Variants in EPHA1 observed in about 807,000 individuals in gnomAD.
EPHA1 encodes the protein ephrin type-A receptor 1.
A neutral mutation model predicts 110.1 loss-of-function variants in EPHA1; 92 were observed. That is an observed-to-expected ratio of 0.84 (90% confidence interval 0.71 to 0.99). The LOEUF (loss-of-function observed/expected upper bound fraction) is 0.99. Among genes scored for constraint, EPHA1 ranks in the 50% least tolerant of loss-of-function variants. EPHA1 has a pLI of 0.00. For missense variants in EPHA1, 1,204 were observed against 1,285.4 expected, an observed-to-expected ratio of 0.94 and a Z score of 0.97; for synonymous variants, 500 against 516.1, an observed-to-expected ratio of 0.97 and a Z score of 0.42.
At position 143,394,910 on chromosome 7, in the gene EPHA1, C is replaced by T. The variant is rs1285777928; in HGVS notation, c.2250G>A (p.Leu750=). ...LSNHNYVHRD[L]AARNILVNQN... ...GATTCACCAAGATGTTTCTGGCAGC[C>T]AGGTCCCGGTGGACATAATTGTGAT... The change falls in exon 14 of 18, where the codon CTG becomes CTA. Residue 750 remains leucine (L), a synonymous_variant. Transcript: ENST00000275815. 1.2e-6 allele frequency: 2 copies of T among 1,614,166 alleles called. No homozygotes were observed. Among genetic ancestry groups the T allele is most frequent in the Admixed American group, 1.7e-5 (1 of 60,024 alleles).
Position 143,391,886 on chromosome 7 carries a change from C to A in EPHA1, c.2697-111G>T, listed in dbSNP as rs1005466802. The A allele has an allele frequency of 5.3e-6, 8 of 1,511,036 alleles. No individual in the cohort carries two copies. The African/African-American group carries it at 8.2e-5, about 16-fold the overall frequency. The allele number at this position is 1,511,036 out of a possible 1,614,324, so 93.6% of individuals were successfully genotyped here. A position where few individuals can be genotyped will look rare whatever the true frequency, so the allele number is the denominator to read the frequency against. ...AAGTTCGGTGTCTGGGCACAGAGAT[C>A]ATCTAGACTGTGGATTGACCCCACC... On this transcript the variant is annotated intron_variant, in intron 16 of 17. Coordinates refer to ENST00000275815, the MANE Select transcript of EPHA1 (RefSeq NM_005232.5).
At chr7:143,391,799 C>T (rs1208986862) in intron 16 of EPHA1, 24 bp from the exon 17 acceptor site, 7 of 1,612,040 alleles carry the variant, frequency 4.3e-6, no homozygotes, top group Non-Finnish European at 5.9e-6. Flanking sequence ...GCATGTCAGT[C>T]ACAGCGGGTA....
At position 143,391,456 on chromosome 7, in the gene EPHA1, A is replaced by G; in HGVS notation, c.*1T>C. On this transcript the variant is annotated 3_prime_UTR_variant, in exon 18 of 18. Coordinates refer to ENST00000275815, the MANE Select transcript of EPHA1 (RefSeq NM_005232.5). ...GATTGGGCATGGGGTGAGAGGAGGG[A>G]TCAGTCCTTGAATCCCTGAATACTG... The G allele has an allele frequency of 6.2e-7, 1 of 1,614,014 alleles. No individual in the cohort carries two copies. Among genetic ancestry groups the G allele is most frequent in the Non-Finnish European group, 8.5e-7 (1 of 1,179,982 alleles).
Position 143,398,902 on chromosome 7 carries a change from C to G in EPHA1, c.1035G>C (p.Gly345=). The G allele has an allele frequency of 1.9e-6, 3 of 1,613,024 alleles. No homozygotes were observed. Among genetic ancestry groups the G allele is most frequent in the Non-Finnish European group, 2.5e-6 (3 of 1,179,598 alleles). Reference sequence around the variant, plus strand: ...GTTCCCAACGCAGGGAGAGCTGAGTCCCTGAGGCAGAGAAGCTCAGGTTTC... The same window carrying G: ...GTTCCCAACGCAGGGAGAGCTGAGTGCCTGAGGCAGAGAAGCTCAGGTTTC... ...APRNLSFSAS[G]TQLSLRWEPP... is the part of the protein sequence containing the mutation. The change falls in exon 6 of 18, where the codon GGG becomes GGC. Residue 345 remains glycine (G), a synonymous_variant. Transcript: ENST00000275815.
rs369887921 is a variant in EPHA1 at position 143,401,445 on chromosome 7, C to A, written c.311G>T (p.Arg104Leu). The change falls in exon 3 of 18, where the codon CGG (arginine) becomes CTG (leucine). Residue 104 changes from arginine to leucine, a missense_variant. Coordinates refer to ENST00000275815, the MANE Select transcript of EPHA1 (RefSeq NM_005232.5). The surrounding 1 kb of genome is among the most constrained non-coding windows in gnomAD (Gnocchi z 4.1). ...RVHVELQFTVRDCKSFPGGAG... is the reference protein window; with the variant it reads ...RVHVELQFTVLDCKSFPGGAG... ...TCCCCCAGGGAAACTCTTGCAGTCC[C>A]GCACGGTGAACTGCAGCTCCACGTG... is the stretch of plus-strand genomic sequence containing the variant. 1 of 1,614,108 alleles carries A rather than the reference C, an allele frequency of 6.2e-7. No individual in the cohort carries two copies. The highest frequency in any genetic ancestry group is 8.5e-7 in the Non-Finnish European group (1 of 1,180,036).
At chr7:143,399,032 C>T in intron 5 of EPHA1, 87 bp from the exon 6 acceptor site, 19 of 1,330,974 alleles carry the variant, frequency 1.4e-5, no homozygotes, top group South Asian at 4.3e-5. Context: ...ACCCAATTCT[C>T]GATGTCCTCT....
chr7:143,400,046 G>A lies in EPHA1; in HGVS notation c.440C>T (p.Thr147Met), dbSNP rs542068127. Residue 147 changes from threonine to methionine, a missense_variant, in exon 4 of 18, where the codon ACG (threonine) becomes ATG (methionine). Coordinates refer to ENST00000275815, the MANE Select transcript of EPHA1 (RefSeq NM_005232.5). The stretch of plus-strand genomic sequence containing the variant: ...GGTGAAGCTCTGGTCTGCAGCCACC[G>A]TGGTTACCTGGGTAGAAGGTGGGGA... The part of the protein sequence containing the change: ...LRRPLFQKVT[T>M]VAADQSFTIR... 8.8e-6 allele frequency: 14 copies of A among 1,598,426 alleles called. No individual in the cohort carries two copies. The highest frequency in any genetic ancestry group is 1.7e-4 in the Middle Eastern group (1 of 5,998).
Position 143,398,374 on chromosome 7 carries a change from G to A in EPHA1, c.1411C>T (p.Arg471Trp), listed in dbSNP as rs145268229. ...AGGTTCGCCCCAGGGCTTCGGGGCC[G>A]GGACCCCGCCCAGGTCAGCTCTAGT... ...RQLELTWAGS[R>W]PRSPGANLTY... Residue 471 changes from arginine (R) to tryptophan (W), a missense_variant, in exon 7 of 18, where the codon CGG becomes TGG. Arg to Trp is a moderately radical substitution (Grantham distance 101, BLOSUM62 -3). Transcript: ENST00000275815. 217 of 1,614,128 alleles carry A rather than the reference G, an allele frequency of 1.3e-4. 1 individual carries two copies. In the African/African-American group the frequency reaches 2.4e-3, roughly 18 times the overall value.
chr7:143,394,384 C>A, intron 14 of EPHA1, 41 bp from the exon 15 acceptor site: 1 of 1,579,376 alleles, frequency 6.3e-7, no homozygotes, highest in South Asian at 1.1e-5. Flanking sequence ...GTTATGGTGT[C>A]CACCTGAGCA....
intron 2 of EPHA1, among the ~76,000 whole-genome samples, chr7:143,405,889 G>C (rs1008576326): frequency 2.6e-5 from 4 of 152,170 alleles, no homozygotes; most frequent in Admixed American, 6.5e-5. Context: ...CTGGATTGAA[G>C]TCTCAAGTAC....
chr7:143,398,985 C>T lies in EPHA1; in HGVS notation c.992-40G>A, dbSNP rs772774488. The T allele has an allele frequency of 2.5e-5, 38 of 1,514,574 alleles. No homozygotes were observed. In the Admixed American group the frequency reaches 5.5e-4, roughly 22 times the overall value. The allele number at this position is 1,514,574 out of a possible 1,614,324, so 93.8% of individuals were successfully genotyped here. On this transcript the variant is annotated intron_variant, in intron 5 of 17. Coordinates refer to ENST00000275815, the MANE Select transcript of EPHA1 (RefSeq NM_005232.5). The stretch of plus-strand genomic sequence containing the variant: ...GAGCCATCAGTAGAAGCCGACCTCG[C>T]TGTCACCCGAGCTGCTGATCCCCGG...
chr7:143,402,644 A>G (rs1805454691), intron 2 of EPHA1, among the ~76,000 whole-genome samples: 1 of 152,192 alleles, frequency 6.6e-6, no homozygotes, highest in South Asian at 2.1e-4. Context: ...TTTTAAACTT[A>G]GTAATATTAA....
chr7:143,396,184 G>A (rs1805238878), intron 11 of EPHA1, among the ~76,000 whole-genome samples: 2 of 152,222 alleles, frequency 1.3e-5, no homozygotes, highest in Admixed American at 1.3e-4. Flanking sequence ...GTTGCTCCAG[G>A]GCACCTGATG....
At chr7:143,403,087 C>T (rs1805463754) in intron 2 of EPHA1, among the ~76,000 whole-genome samples, 1 of 152,200 alleles carries the variant, frequency 6.6e-6, no homozygotes, top group Admixed American at 6.5e-5. Context: ...TATTTGAGGG[C>T]CGGGAGTGGT....
In EPHA1 at chr7:143,397,284, C is replaced by A. The variant is rs909473186; in HGVS notation, c.1771+20G>T. On this transcript the variant is annotated intron_variant, in intron 10 of 17. Transcript: ENST00000275815. Reference sequence around the variant, plus strand: ...GTGTGCACACGCATGTGGGGACACACGCAGGTGCACCCGACTCACCTCGAT... The same window carrying A: ...GTGTGCACACGCATGTGGGGACACAAGCAGGTGCACCCGACTCACCTCGAT... 3.2e-6 allele frequency: 5 copies of A among 1,545,496 alleles called. No individual in the cohort carries two copies. The highest frequency in any genetic ancestry group is 2.0e-5 in the Admixed American group (1 of 50,890).
At chr7:143,392,921 G>A (rs1805131391) in intron 16 of EPHA1, among the ~76,000 whole-genome samples, 1 of 151,900 alleles carries the variant, frequency 6.6e-6, no homozygotes. Context: ...CAGCCTGGGC[G>A]ACAGAGCAAG....
chr7:143,395,258 G>A lies in EPHA1; in HGVS notation c.2083+61C>T. The A allele has an allele frequency of 6.2e-7, 1 of 1,613,428 alleles. No homozygotes were observed. The highest frequency in any genetic ancestry group is 8.5e-7 in the Non-Finnish European group (1 of 1,179,922). ...GCCACACATCCTCCCTCCACTTCCA[G>A]TGGTTTCACCCCTCTTTCCTGCATT... On this transcript the variant is annotated intron_variant, in intron 12 of 17. Transcript: ENST00000275815. This position sits in a 1 kb window ranked among gnomAD's most constrained non-coding sequence, Gnocchi z 4.7.
chr7:143,397,006 T>C (rs1280479605), intron 10 of EPHA1, among the ~76,000 whole-genome samples: 5 of 152,110 alleles, frequency 3.3e-5, no homozygotes, highest in African/African-American at 4.8e-5. Flanking sequence ...GCCTCCAGGA[T>C]GGGGAGGGCT....
intron 14 of EPHA1, 47 bp downstream of exon 14, chr7:143,394,761 G>A: frequency 6.2e-7 from 1 of 1,605,182 alleles, no homozygotes; most frequent in Non-Finnish European, 8.5e-7. Flanking sequence ...TGAATGGCAT[G>A]TTACGGGGCA....
Sources: gnomAD v4.1 joint callset for allele counts (sites outside exome capture counted in the v4.1 genomes callset) on GRCh38, gnomAD v4.1.1 for gene constraint, Gnocchi (gnomAD v3.1) non-coding constraint, MANE v1.5 for transcripts, NCBI Gene and HGNC (gene_info 2026-07-23, HGNC 2026-07-21) for gene names.